PDE3B: variants seen among roughly 807,000 people sequenced by gnomAD.
PDE3B encodes phosphodiesterase 3B.
Under a neutral mutation model 116.8 loss-of-function variants are expected in PDE3B, and 66 were observed. The ratio of observed to expected loss-of-function variants is 0.56; its 90% CI spans 0.46 to 0.69. The LOEUF is 0.69. Ranked by LOEUF, PDE3B falls within the 30% of genes least tolerant of loss-of-function variation. The probability of loss-of-function intolerance (pLI) is 0.00; values close to 1 mark genes in which losing one functional copy is unlikely to be tolerated. For missense variants in PDE3B, 1,384 were observed against 1,368.1 expected (o/e 1.01, Z -0.18); for synonymous variants, 595 against 533.6 (o/e 1.12, Z -1.59).
chr11:14,747,677 A>T (rs1029528215), intron 1 of PDE3B, among the ~76,000 whole-genome samples: 3 of 152,154 alleles, frequency 2.0e-5, no homozygotes, highest in African/African-American at 7.2e-5. Context: ...TGTAGTGGTG[A>T]TGGTGGGATG....
At chr11:14,852,912 T>C (rs1847781405) in intron 12 of PDE3B, among the ~76,000 whole-genome samples, 1 of 151,962 alleles carries the variant, frequency 6.6e-6, no homozygotes, top group African/African-American at 2.4e-5. Context: ...AAAAACAAAA[T>C]AGTAAACTCT....
chr11:14,776,270 A>T (rs1857782176), intron 2 of PDE3B: 1 of 152,266 alleles, frequency 6.6e-6, no homozygotes. Context: ...GCAATCAGTG[A>T]CCAGGGAGAA....
At chr11:14,779,700 G>C (rs559617468) in intron 2 of PDE3B, among the ~76,000 whole-genome samples, 1 of 152,182 alleles carries the variant, frequency 6.6e-6, no homozygotes, top group Non-Finnish European at 1.5e-5. Context: ...ACTGCTACCA[G>C]CCACTGCAAA....
intron 1 of PDE3B, among the ~76,000 whole-genome samples, chr11:14,695,589 G>A (rs1855183878): frequency 6.6e-6 from 1 of 151,946 alleles, no homozygotes; most frequent in African/African-American, 2.4e-5. Flanking sequence ...ATGTGCCATG[G>A]TAGTTTACTG....
intron 1 of PDE3B, among the ~76,000 whole-genome samples, chr11:14,672,166 G>A (rs1321797436): frequency 1.3e-5 from 2 of 150,908 alleles, no homozygotes; most frequent in Non-Finnish European, 2.9e-5. Flanking sequence ...AGTTTCTTAA[G>A]CACAAGGACA....
chr11:14,803,949 G>T lies in PDE3B; in HGVS notation c.1421G>T (p.Gly474Val). ...PHQEFGISSQGCYLNGPFNSN... is the reference protein window; with the variant it reads ...PHQEFGISSQVCYLNGPFNSN... ...CTGTTATTTTTCCCTTTTAGTCAAGGATGCTATCTAAATGGGCCTTTTAAT... is the reference window on the plus strand; with the variant it reads ...CTGTTATTTTTCCCTTTTAGTCAAGTATGCTATCTAAATGGGCCTTTTAAT... Residue 474 changes from glycine to valine, a missense_variant, in exon 5 of 16, where the codon GGA becomes GTA. By Grantham distance (109) the Gly-to-Val change is moderately radical. Transcript: ENST00000282096. 6.3e-7 allele frequency: 1 copy of T among 1,580,822 alleles called. No homozygotes were observed. Among genetic ancestry groups the T allele is most frequent in the Non-Finnish European group, 8.7e-7 (1 of 1,150,088 alleles).
intron 1 of PDE3B, among the ~76,000 whole-genome samples, chr11:14,657,161 T>A (rs1241946498): frequency 2.0e-5 from 3 of 152,214 alleles, no homozygotes; most frequent in African/African-American, 7.2e-5. Context: ...TTGTTCCAGT[T>A]TGTCACTTTG....
intron 1 of PDE3B, among the ~76,000 whole-genome samples, chr11:14,672,793 G>T (rs1854412091): frequency 6.6e-6 from 1 of 152,074 alleles, no homozygotes; most frequent in Non-Finnish European, 1.5e-5. Flanking sequence ...TTAAACAAGT[G>T]AGGTGAAAGT....
chr11:14,775,289 G>A (rs1159900447), intron 2 of PDE3B: 1 of 151,830 alleles, frequency 6.6e-6, no homozygotes, highest in Admixed American at 6.6e-5. Flanking sequence ...TCCCTGTATA[G>A]CATTATTTTA....
chr11:14,817,565 C>T (rs1025967639), intron 5 of PDE3B, among the ~76,000 whole-genome samples: 2 of 151,984 alleles, frequency 1.3e-5, no homozygotes, highest in African/African-American at 4.8e-5. Context: ...GCCTGGGCAA[C>T]ATCTTGAAAC....
Position 14,832,732 on chromosome 11 carries a change from C to G in PDE3B, c.2105C>G (p.Thr702Ser), listed in dbSNP as rs539940891. The G allele has an allele frequency of 1.6e-6, 2 of 1,285,058 alleles. No homozygotes were observed. The highest frequency in any genetic ancestry group is 2.2e-6 in the Non-Finnish European group (2 of 899,114). The allele number at this position is 1,285,058 out of a possible 1,614,324, so 79.6% of individuals were successfully genotyped here. ...TTAATTGACATTTAGGTTATGTATA[C>G]CTTATTTCAAGACACTGGTTTATTG... ...SGRILSQVMYTLFQDTGLLEI... is the reference protein window; with the variant it reads ...SGRILSQVMYSLFQDTGLLEI... The change falls in exon 10 of 16, where the codon ACC becomes AGC. Residue 702 changes from threonine to serine, a missense_variant. Coordinates refer to ENST00000282096, the MANE Select transcript of PDE3B (RefSeq NM_000922.4).
chr11:14,722,169 G>T (rs190767770), intron 1 of PDE3B, among the ~76,000 whole-genome samples: 2 of 150,846 alleles, frequency 1.3e-5, no homozygotes, highest in Admixed American at 1.3e-4. Flanking sequence ...TGGAATAGGG[G>T]GACGGGGGAG....
rs1854348494 is a variant in PDE3B, at chr11:14,670,994, A to G, written c.978+25941A>G. Among the ~76,000 whole-genome samples, 3 of 152,106 alleles carry G rather than the reference A, an allele frequency of 2.0e-5. No homozygotes were observed. In the South Asian group the frequency reaches 6.2e-4, roughly 32 times the overall value. ...GCAGTTGGTACTACAAGTGCACACC[A>G]CCATGCCCAGCATATTTAACAATAT... is the stretch of plus-strand genomic sequence containing the variant. On this transcript the variant is annotated intron_variant, in intron 1 of 15. Coordinates refer to ENST00000282096, the MANE Select transcript of PDE3B (RefSeq NM_000922.4).
rs1855804923 is a variant in PDE3B, at chr11:14,714,316, T to G, written c.979-57621T>G. Among the ~76,000 whole-genome samples, 3 of 152,188 alleles carry G rather than the reference T, an allele frequency of 2.0e-5. No individual in the cohort carries two copies. The South Asian group carries it at 6.2e-4, about 32-fold the overall frequency. On this transcript the variant is annotated intron_variant, in intron 1 of 15. Coordinates refer to ENST00000282096, the MANE Select transcript of PDE3B (RefSeq NM_000922.4). ...TGATGACATTCTTCCCTTGGCCCTA[T>G]TTTTAGCTTGCTTTTCTCTTAGTGG...
At chr11:14,713,427 A>G (rs922211496) in intron 1 of PDE3B, among the ~76,000 whole-genome samples, 1 of 152,182 alleles carries the variant, frequency 6.6e-6, no homozygotes, top group African/African-American at 2.4e-5. Flanking sequence ...CCCACATATA[A>G]GAGAGAATTC....
intron 1 of PDE3B, among the ~76,000 whole-genome samples, chr11:14,770,941 A>AT (rs1414308572): frequency 3.3e-5 from 5 of 151,392 alleles, no homozygotes; most frequent in Non-Finnish European, 7.4e-5. Flanking sequence ...TGAGCTAATA[A>AT]TTTTTTTTGC....
intron 1 of PDE3B, among the ~76,000 whole-genome samples, chr11:14,725,129 A>T (rs995490709): frequency 1.3e-5 from 2 of 152,174 alleles, no homozygotes; most frequent in African/African-American, 4.8e-5. Flanking sequence ...CTTTTTAGCC[A>T]TGCTACTTTT....
chr11:14,783,166 G>C (rs1222882167), intron 2 of PDE3B, among the ~76,000 whole-genome samples: 2 of 152,218 alleles, frequency 1.3e-5, no homozygotes, highest in African/African-American at 4.8e-5. Flanking sequence ...TGGTGGGACT[G>C]TAAACTAGTT....
intron 3 of PDE3B, among the ~76,000 whole-genome samples, chr11:14,786,954 G>T (rs1028541712): frequency 2.0e-5 from 3 of 151,906 alleles, no homozygotes; most frequent in Non-Finnish European, 4.4e-5. Context: ...AGCAAATTTT[G>T]TTCCAGGCTT....
Sources: allele counts gnomAD v4.1 joint callset (sites outside exome capture counted in the v4.1 genomes callset), GRCh38; gene constraint gnomAD v4.1.1; transcripts MANE v1.5; gene names NCBI Gene and HGNC (gene_info 2026-07-23, HGNC 2026-07-21).